The following MCC variants were observed in gnomAD, a reference collection of about 807,000 sequenced individuals.
The protein encoded by MCC is MCC regulator of Wnt signaling pathway.
In MCC, 90 loss-of-function variants were observed where a neutral mutation model predicts 116.2. That is an observed-to-expected ratio of 0.77 (90% CI 0.65 to 0.92). The LOEUF (loss-of-function observed/expected upper bound fraction) is 0.92, where lower values mean the gene tolerates loss of function less well. MCC is among the 40% of genes least tolerant of loss of function. MCC has a pLI of 0.00. For synonymous variants in MCC, 578 were observed against 510.5 expected, an observed-to-expected ratio of 1.13 and a Z score of -1.78; for missense variants, 1,516 against 1,312.2, an observed-to-expected ratio of 1.16 and a Z score of -2.40.
chr5:113,252,424 C>A (rs576693408), intron 3 of MCC, among the ~76,000 whole-genome samples: 1 of 152,286 alleles, frequency 6.6e-6, no homozygotes, highest in African/African-American at 2.4e-5. Flanking sequence ...CTATTGTAAA[C>A]TGAGCACGTG....
At chr5:113,429,261 T>C (rs1164752935) in intron 1 of MCC, among the ~76,000 whole-genome samples, 2 of 151,872 alleles carry the variant, frequency 1.3e-5, no homozygotes, top group East Asian at 3.9e-4. Context: ...TGTAGCCTTA[T>C]ATGAAGAGAC....
chr5:113,100,760 T>G (rs1756356303), intron 8 of MCC, among the ~76,000 whole-genome samples: 1 of 152,204 alleles, frequency 6.6e-6, no homozygotes. Context: ...CGTGAGCCAC[T>G]GTGCCTGGCC....
rs1554103582 is a variant in MCC, at chr5:113,024,018, G to GATAGTT, written c.*3283_*3284insAACTAT. 2.4e-4 allele frequency: 35 copies of GATAGTT among 144,506 alleles called. No individual in the cohort carries two copies. Among genetic ancestry groups the GATAGTT allele is most frequent in the African/African-American group, 9.1e-4 (35 of 38,438 alleles). 9.0% of individuals were successfully genotyped at this position (144,506 alleles called of 1,614,324 possible). On this transcript the variant is annotated 3_prime_UTR_variant, in exon 19 of 19. Coordinates refer to ENST00000408903, the MANE Select transcript of MCC (RefSeq NM_001085377.2). Reference sequence around the variant, plus strand: ...TTAGGAACCAGAAGACTTTCAGATAGTTTCATGTTTTCCTTAGAGTGGTAA... The same window carrying GATAGTT: ...TTAGGAACCAGAAGACTTTCAGATAGATAGTTTTTCATGTTTTCCTTAGAGTGGTAA...
chr5:113,271,539 T>C (rs567741323), intron 3 of MCC, among the ~76,000 whole-genome samples: 5 of 152,330 alleles, frequency 3.3e-5, no homozygotes, highest in African/African-American at 9.6e-5. Flanking sequence ...CCATCCAGGA[T>C]TGCCAGGACT....
At chr5:113,082,358 T>G (rs554394552) in intron 11 of MCC, among the ~76,000 whole-genome samples, 333 of 152,372 alleles carry the variant, frequency 2.2e-3, no homozygotes, top group Non-Finnish European at 3.9e-3. Flanking sequence ...CAGGAATGGC[T>G]CTACCAGATT....
chr5:113,274,212 C>G (rs1157066411), intron 3 of MCC, among the ~76,000 whole-genome samples: 3 of 152,220 alleles, frequency 2.0e-5, no homozygotes, highest in Non-Finnish European at 4.4e-5. Context: ...TACAGTGGAG[C>G]ATAAATCAGA....
In MCC at chr5:113,274,809, A is replaced by G. The variant is rs559081836; in HGVS notation, c.627+65710T>C. 7.2e-5 allele frequency among the ~76,000 whole-genome samples: 11 copies of G among 152,336 alleles called. No homozygotes were observed. The South Asian group carries it at 1.7e-3, about 23-fold the overall frequency. Reference sequence around the variant, plus strand: ...GGAATCACTAAGTATAAATGTTTTCATCATCCAAGTTCCCACAATCAACTC... The same window carrying G: ...GGAATCACTAAGTATAAATGTTTTCGTCATCCAAGTTCCCACAATCAACTC... On this transcript the variant is annotated intron_variant, in intron 3 of 18. Transcript: ENST00000408903.
intron 3 of MCC, among the ~76,000 whole-genome samples, chr5:113,268,804 A>T (rs1400640678): frequency 6.6e-6 from 1 of 152,190 alleles, no homozygotes; most frequent in Non-Finnish European, 1.5e-5. Flanking sequence ...AGCATCTAGA[A>T]TGTCCAAGCA....
intron 3 of MCC, among the ~76,000 whole-genome samples, chr5:113,182,225 A>G (rs1280717805): frequency 6.6e-6 from 1 of 152,194 alleles, no homozygotes; most frequent in Non-Finnish European, 1.5e-5. Flanking sequence ...TACACACATT[A>G]TACAGATTCT....
intron 18 of MCC, among the ~76,000 whole-genome samples, chr5:113,028,199 C>G (rs751845573): frequency 6.6e-6 from 1 of 152,122 alleles, no homozygotes; most frequent in Non-Finnish European, 1.5e-5. Context: ...CTTTTATTTC[C>G]AACTATAGAG....
At chr5:113,145,355 T>A (rs1426610381) in intron 4 of MCC, among the ~76,000 whole-genome samples, 3 of 152,226 alleles carry the variant, frequency 2.0e-5, no homozygotes, top group Admixed American at 2.0e-4. Flanking sequence ...GTTCCCATGT[T>A]GCTTGTTCCT....
intron 3 of MCC, among the ~76,000 whole-genome samples, chr5:113,328,902 C>T (rs911366271): frequency 5.9e-5 from 9 of 152,144 alleles, no homozygotes; most frequent in South Asian, 2.1e-4. Flanking sequence ...TGCACCCTGT[C>T]GAATGGGTCC....
chr5:113,307,510 G>A (rs970695550), intron 3 of MCC, among the ~76,000 whole-genome samples: 1 of 152,084 alleles, frequency 6.6e-6, no homozygotes, highest in Non-Finnish European at 1.5e-5. Context: ...TTGCAAGCTT[G>A]CTGAACTCAT....
rs775531896 is a variant in MCC, at chr5:113,435,113, G to T, written c.171-49901C>A. ...TGGAATCCTGGAAGGCTGGCCAGTA[G>T]GCTGGAGCAGACAAGATGAGCAGAA... On this transcript the variant is annotated intron_variant, in intron 1 of 18. Coordinates refer to ENST00000408903, the MANE Select transcript of MCC (RefSeq NM_001085377.2). 1.1e-4 allele frequency: 48 copies of T among 439,116 alleles called. 1 individual carries two copies. Among genetic ancestry groups the T allele is most frequent in the Non-Finnish European group, 1.6e-4 (38 of 240,944 alleles). The allele number at this position is 439,116 out of a possible 1,614,324, so 27.2% of individuals were successfully genotyped here.
intron 17 of MCC, among the ~76,000 whole-genome samples, chr5:113,036,781 T>C (rs766625118): frequency 2.0e-5 from 3 of 152,174 alleles, no homozygotes; most frequent in Non-Finnish European, 2.9e-5. Flanking sequence ...GCTGGAGGGA[T>C]GGCAAAAAAG....
intron 1 of MCC, among the ~76,000 whole-genome samples, 165 bp from the exon 2 acceptor site, chr5:113,385,377 T>C (rs1386737954): frequency 6.6e-6 from 1 of 152,242 alleles, no homozygotes; most frequent in Non-Finnish European, 1.5e-5. Context: ...GAAAAAAACG[T>C]GTTCCATTTG....
intron 6 of MCC, among the ~76,000 whole-genome samples, chr5:113,122,269 T>C (rs1050659354): frequency 1.1e-4 from 16 of 152,220 alleles, no homozygotes; most frequent in African/African-American, 3.6e-4. Flanking sequence ...GAACAACACA[T>C]TGGAGTCATT....
intron 3 of MCC, among the ~76,000 whole-genome samples, chr5:113,157,077 A>G (rs1403340156): frequency 6.6e-6 from 1 of 152,184 alleles, no homozygotes; most frequent in Admixed American, 6.5e-5. Context: ...TTCACACTTC[A>G]TAAGGTGCCC....
At chr5:113,075,813 T>G (rs1166893809) in intron 11 of MCC, among the ~76,000 whole-genome samples, 1 of 152,156 alleles carries the variant, frequency 6.6e-6, no homozygotes, top group African/African-American at 2.4e-5. Context: ...TGCTGCTCAC[T>G]CTTTGGGTCC....
Sources: gnomAD v4.1 joint callset for allele counts (sites outside exome capture counted in the v4.1 genomes callset) on GRCh38, gnomAD v4.1.1 for gene constraint, MANE v1.5 for transcripts, NCBI Gene and HGNC (gene_info 2026-07-23, HGNC 2026-07-21) for gene names.